Variants in SCGB2B2 observed in about 807,000 individuals in gnomAD.
The protein encoded by SCGB2B2 is secretoglobin family 2B member 2.
A neutral mutation model predicts 7.6 loss-of-function variants in SCGB2B2; 11 were observed. That is an observed-to-expected ratio of 1.45 (90% CI 0.91 to 2.40). The LOEUF (loss-of-function observed/expected upper bound fraction) is 2.40, where lower values mean the gene tolerates loss of function less well. Ranked by LOEUF, SCGB2B2 falls within the 30% of genes most tolerant of loss-of-function variation. The probability of loss-of-function intolerance (pLI) is 0.00; values close to 1 mark genes in which losing one functional copy is unlikely to be tolerated. For synonymous variants in SCGB2B2, 50 were observed against 48.6 expected, an observed-to-expected ratio of 1.03 and a Z score of -0.12; for missense variants, 104 against 115.4, an observed-to-expected ratio of 0.90 and a Z score of 0.45.
At chr19:34,622,125 C>G (rs113684220) in intron 1 of SCGB2B2, among the ~76,000 whole-genome samples, 4,168 of 152,288 alleles carry the variant, frequency 0.027, 200 homozygotes, top group African/African-American at 0.094. Context: ...ACTGCTGTAA[C>G]TGCTCAGAGG....
chr19:34,604,208 C>T (rs2065714423), intron 1 of SCGB2B2, among the ~76,000 whole-genome samples: 1 of 152,220 alleles, frequency 6.6e-6, no homozygotes, highest in African/African-American at 2.4e-5. Flanking sequence ...TTTCCCCTCA[C>T]TCCATTGATA....
At chr19:34,654,795 T>A (rs2067241361) in intron 1 of SCGB2B2, among the ~76,000 whole-genome samples, 1 of 150,874 alleles carries the variant, frequency 6.6e-6, no homozygotes, top group Admixed American at 6.6e-5. Context: ...CCAAGAGTCT[T>A]TGAAAAACCC....
chr19:34,665,597 T>TG (rs1323152748), intron 1 of SCGB2B2, among the ~76,000 whole-genome samples: 4 of 128,062 alleles, frequency 3.1e-5, no homozygotes, highest in African/African-American at 1.0e-4. Flanking sequence ...TGCAGTGTGG[T>TG]GGGTGGGATG....
chr19:34,629,007 A>T (rs990312780), intron 1 of SCGB2B2, among the ~76,000 whole-genome samples: 1 of 152,006 alleles, frequency 6.6e-6, no homozygotes, highest in Non-Finnish European at 1.5e-5. Context: ...AAACAGAACC[A>T]AAGACAAAAA....
Position 34,595,936 on chromosome 19 carries a change from G to C in SCGB2B2, c.-1373C>G, listed in dbSNP as rs555838574. 16 of 152,468 alleles carry C rather than the reference G, an allele frequency of 1.0e-4. No homozygotes were observed. The highest frequency in any genetic ancestry group is 3.9e-4 in the African/African-American group (16 of 41,558). The allele number at this position is 152,468 out of a possible 1,614,324, so 9.4% of individuals were successfully genotyped here. A position where few individuals can be genotyped will look rare whatever the true frequency, so the allele number is the denominator to read the frequency against. ...AGGGAGGGTCTGGCTAGGAGCACCTGAGGGACACGCCCGGTGCAGAGGACA... is the reference window on the plus strand; with the variant it reads ...AGGGAGGGTCTGGCTAGGAGCACCTCAGGGACACGCCCGGTGCAGAGGACA... On this transcript the variant is annotated 5_prime_UTR_variant, in exon 2 of 4. Coordinates refer to ENST00000601241, the MANE Select transcript of SCGB2B2 (RefSeq NM_001025591.4).
chr19:34,663,916 C>A (rs1165828966), intron 1 of SCGB2B2, among the ~76,000 whole-genome samples: 1 of 152,084 alleles, frequency 6.6e-6, no homozygotes, highest in Non-Finnish European at 1.5e-5. Flanking sequence ...GGAGTGTGAG[C>A]TGCACCCGTG....
At chr19:34,588,098 T>G (rs1459551171), downstream of SCGB2B2, among the ~76,000 whole-genome samples, 1 of 152,256 alleles carries the variant, frequency 6.6e-6, no homozygotes, top group Non-Finnish European at 1.5e-5. Context: ...TTGAGAAGAA[T>G]TGCTATTAAT....
chr19:34,676,619 G>A lies in SCGB2B2; in HGVS notation c.-3021C>T, dbSNP rs568892811. On this transcript the variant is annotated 5_prime_UTR_variant, in exon 1 of 4. Coordinates refer to ENST00000601241, the MANE Select transcript of SCGB2B2 (RefSeq NM_001025591.4). ...TGGCTTTGCACTGTGCTCTCCCATG[G>A]ATTTTTTCTTGCGTGAGCTCTAAGA... 2.0e-5 allele frequency: 3 copies of A among 152,166 alleles called. No homozygotes were observed. The highest frequency in any genetic ancestry group is 7.2e-5 in the African/African-American group (3 of 41,494). The allele number at this position is 152,166 out of a possible 1,614,324, so 9.4% of individuals were successfully genotyped here.
intron 1 of SCGB2B2, among the ~76,000 whole-genome samples, chr19:34,663,922 C>G (rs1437571753): frequency 1.3e-5 from 2 of 152,018 alleles, no homozygotes; most frequent in African/African-American, 4.8e-5. Context: ...TGAGCTGCAC[C>G]CGTGTAACCT....
chr19:34,676,774 T>C lies in SCGB2B2; in HGVS notation c.-3176A>G, dbSNP rs1390467439. The C allele has an allele frequency of 2.0e-5, 3 of 152,156 alleles. No homozygotes were observed. The highest frequency in any genetic ancestry group is 7.2e-5 in the African/African-American group (3 of 41,444). 9.4% of individuals were successfully genotyped at this position (152,156 alleles called of 1,614,324 possible). ...ACACTATTTATAATTTTAAAAATGA[T>C]TGAAGTCAATTAACATTTAAGTGTT... On this transcript the variant is annotated 5_prime_UTR_variant, in exon 1 of 4. Transcript: ENST00000601241.
At position 34,622,814 on chromosome 19, in the gene SCGB2B2, T is replaced by C. The variant is rs542728925; in HGVS notation, c.-2031-26220A>G. Reference sequence around the variant, plus strand: ...AGGGGCTGCCTGAGTAATAAACTTGTCCTTTAAGATTAGCTGTCCTTCAAT... The same window carrying C: ...AGGGGCTGCCTGAGTAATAAACTTGCCCTTTAAGATTAGCTGTCCTTCAAT... On this transcript the variant is annotated intron_variant, in intron 1 of 3. Coordinates refer to ENST00000601241, the MANE Select transcript of SCGB2B2 (RefSeq NM_001025591.4). Among the ~76,000 whole-genome samples, 16 of 152,250 alleles carry C rather than the reference T, an allele frequency of 1.1e-4. No individual in the cohort carries two copies. The South Asian group carries it at 3.1e-3, about 30-fold the overall frequency.
intron 1 of SCGB2B2, among the ~76,000 whole-genome samples, chr19:34,626,451 C>T (rs546371362): frequency 4.6e-5 from 7 of 151,958 alleles, no homozygotes; most frequent in Admixed American, 1.3e-4. Context: ...ATGAGAACTA[C>T]ATGATGAAAG....
At chr19:34,643,197 G>A (rs2066894847) in intron 1 of SCGB2B2, among the ~76,000 whole-genome samples, 1 of 152,082 alleles carries the variant, frequency 6.6e-6, no homozygotes, top group African/African-American at 2.4e-5. Context: ...AGAAAATGTG[G>A]TACATATACA....
At chr19:34,657,955 C>T (rs574887394) in intron 1 of SCGB2B2, among the ~76,000 whole-genome samples, 1 of 152,272 alleles carries the variant, frequency 6.6e-6, no homozygotes, top group African/African-American at 2.4e-5. Flanking sequence ...CTCAAAACTG[C>T]ACAAATACAT....
rs983769439 is a variant in SCGB2B2, at chr19:34,594,214, A to G, written c.207T>C (p.Asn69=). 6.2e-7 allele frequency: 1 copy of G among 1,614,172 alleles called. No individual in the cohort carries two copies. Among genetic ancestry groups the G allele is most frequent in the Non-Finnish European group, 8.5e-7 (1 of 1,180,014 alleles). Residue 69 remains asparagine, a synonymous_variant, in exon 3 of 4, where the codon AAT becomes AAC. Coordinates refer to ENST00000601241, the MANE Select transcript of SCGB2B2 (RefSeq NM_001025591.4). Reference sequence around the variant, plus strand: ...GAGCAAATCTTTCTGTCACGGAGACATTGGCAAAGCATTGCTGGACATTGA... The same window carrying G: ...GAGCAAATCTTTCTGTCACGGAGACGTTGGCAAAGCATTGCTGGACATTGA... ...SFLNVQQCFA[N]VSVTERFAHS...
At chr19:34,658,752 GAGGCCAGCATC>G (rs2067356127) in intron 1 of SCGB2B2, among the ~76,000 whole-genome samples, 1 of 144,224 alleles carries the variant, frequency 6.9e-6, no homozygotes, top group Admixed American at 7.1e-5. Context: ...CTCAGTTTAT[GAGGCCAGCATC>G]ATCCTGATAC....
intron 1 of SCGB2B2, among the ~76,000 whole-genome samples, chr19:34,618,304 A>G (rs1284875342): frequency 2.0e-5 from 3 of 152,268 alleles, no homozygotes; most frequent in East Asian, 3.8e-4. Context: ...ACCATAATGC[A>G]AACTTTTTAT....
At chr19:34,587,212 G>A (rs1393863830), downstream of SCGB2B2, among the ~76,000 whole-genome samples, 1 of 152,056 alleles carries the variant, frequency 6.6e-6, no homozygotes, top group Non-Finnish European at 1.5e-5. Context: ...CCGGCAATAT[G>A]TAGTTTTTTT....
chr19:34,629,519 T>C (rs2066469409), intron 1 of SCGB2B2, among the ~76,000 whole-genome samples: 1 of 151,900 alleles, frequency 6.6e-6, no homozygotes, highest in Non-Finnish European at 1.5e-5. Context: ...CCATTCACAA[T>C]TGCTTCAAAG....
Sources: gnomAD v4.1 joint callset for allele counts (sites outside exome capture counted in the v4.1 genomes callset) on GRCh38, gnomAD v4.1.1 for gene constraint, MANE v1.5 for transcripts, NCBI Gene and HGNC (gene_info 2026-07-23, HGNC 2026-07-21) for gene names.